Variants in HABP2 observed in about 807,000 individuals in gnomAD.
The protein encoded by HABP2 is hyaluronan binding protein 2.
Under a neutral mutation model 66.5 loss-of-function variants are expected in HABP2, and 65 were observed. That is an observed-to-expected ratio of 0.98 (90% CI 0.80 to 1.20). The LOEUF is 1.20. HABP2 is among the 50% of genes most tolerant of loss of function. The pLI is 0.00. For missense variants in HABP2, 786 were observed against 691.0 expected, an observed-to-expected ratio of 1.14 and a Z score of -1.54; for synonymous variants, 263 against 253.9, an observed-to-expected ratio of 1.04 and a Z score of -0.34.
chr10:113,589,045 T>C lies in HABP2; in HGVS notation c.*676T>C. 6.2e-7 allele frequency: 1 copy of C among 1,614,044 alleles called. No homozygotes were observed. Among genetic ancestry groups the C allele is most frequent in the Non-Finnish European group, 8.5e-7 (1 of 1,179,996 alleles). On this transcript the variant is annotated 3_prime_UTR_variant, in exon 13 of 13. Coordinates refer to ENST00000351270, the MANE Select transcript of HABP2 (RefSeq NM_004132.5). ...GGCATCTGGGTTCACCTCCCCACTC[T>C]GATGATCTCCAGCCTCCACTGCTTC...
At chr10:113,560,482 G>A (rs766282995) in intron 1 of HABP2, among the ~76,000 whole-genome samples, 6 of 152,156 alleles carry the variant, frequency 3.9e-5, no homozygotes, top group Admixed American at 1.3e-4. Context: ...AAAGTTAATC[G>A]TAGAACTACC....
intron 1 of HABP2, among the ~76,000 whole-genome samples, chr10:113,561,643 C>G (rs1845102006): frequency 6.6e-6 from 1 of 152,088 alleles, no homozygotes; most frequent in South Asian, 2.1e-4. Flanking sequence ...TTTCTCTGCT[C>G]TTAGTTCATT....
intron 1 of HABP2, among the ~76,000 whole-genome samples, chr10:113,553,826 C>T (rs545664846): frequency 1.3e-5 from 2 of 152,214 alleles, no homozygotes; most frequent in South Asian, 2.1e-4. Flanking sequence ...GAGTCTTGAA[C>T]GGGGGACTCA....
chr10:113,575,764 C>G, intron 3 of HABP2, 133 bp from the exon 4 acceptor site: 1 of 665,452 alleles, frequency 1.5e-6, no homozygotes, highest in Non-Finnish European at 2.7e-6. Context: ...TGTTTTCCTC[C>G]TTTCCCCAGT....
At chr10:113,557,522 T>C (rs1592681055) in intron 1 of HABP2, among the ~76,000 whole-genome samples, 1 of 152,282 alleles carries the variant, frequency 6.6e-6, no homozygotes, top group East Asian at 1.9e-4. Flanking sequence ...AAATAAAACA[T>C]GCTTTTTCTT....
At chr10:113,562,082 T>C (rs1013707648) in intron 1 of HABP2, among the ~76,000 whole-genome samples, 2 of 152,146 alleles carry the variant, frequency 1.3e-5, no homozygotes, top group South Asian at 4.1e-4. Flanking sequence ...CAGGGATCCA[T>C]TGAGAAAGCC....
intron 8 of HABP2, among the ~76,000 whole-genome samples, chr10:113,581,620 C>G (rs1845533422): frequency 6.6e-6 from 1 of 152,222 alleles, no homozygotes; most frequent in African/African-American, 2.4e-5. Flanking sequence ...ACATGTCAAT[C>G]TTAGGAGTCA....
chr10:113,574,823 C>T (rs1234366063), intron 3 of HABP2, among the ~76,000 whole-genome samples: 1 of 152,218 alleles, frequency 6.6e-6, no homozygotes, highest in East Asian at 1.9e-4. Flanking sequence ...TGTACACATT[C>T]AGCTTTGGGA....
intron 3 of HABP2, among the ~76,000 whole-genome samples, chr10:113,574,857 C>T (rs778627368): frequency 6.6e-6 from 1 of 152,118 alleles, no homozygotes; most frequent in Non-Finnish European, 1.5e-5. Context: ...ATGCCTTTGC[C>T]AGAACTTTTC....
intron 11 of HABP2, among the ~76,000 whole-genome samples, chr10:113,584,809 T>A (rs1295021861): frequency 1.3e-5 from 2 of 152,148 alleles, no homozygotes; most frequent in Non-Finnish European, 2.9e-5. Context: ...TTGCTCGGGG[T>A]TCTCCACACA....
intron 1 of HABP2, among the ~76,000 whole-genome samples, chr10:113,556,137 G>T (rs1001430597): frequency 6.6e-6 from 1 of 152,174 alleles, no homozygotes; most frequent in African/African-American, 2.4e-5. Flanking sequence ...ATCTTCCCAG[G>T]GATAGAGCCA....
intron 1 of HABP2, among the ~76,000 whole-genome samples, chr10:113,557,503 C>T (rs11575624): frequency 0.11 from 16,833 of 152,056 alleles, 1,005 homozygotes; most frequent in South Asian, 0.13. Context: ...ATTTGGCAGC[C>T]GGGATTTTAA....
intron 1 of HABP2, among the ~76,000 whole-genome samples, chr10:113,556,746 A>T (rs974874323): frequency 4.0e-5 from 6 of 151,138 alleles, no homozygotes; most frequent in Non-Finnish European, 5.9e-5. Context: ...GAAAGAAAGA[A>T]AAAAGAAGCT....
At chr10:113,581,173 C>T (rs1845522098) in intron 8 of HABP2, among the ~76,000 whole-genome samples, 1 of 152,222 alleles carries the variant, frequency 6.6e-6, no homozygotes, top group Non-Finnish European at 1.5e-5. Flanking sequence ...TGAGCAGTTT[C>T]ACATATGTGC....
intron 12 of HABP2, among the ~76,000 whole-genome samples, chr10:113,587,326 AAAAC>A (rs199888836): frequency 3.1e-3 from 404 of 131,812 alleles, no homozygotes; most frequent in Non-Finnish European, 5.6e-3. Context: ...CAAAAAAACA[AAAAC>A]AAACAAACAA....
chr10:113,581,876 A>G lies in HABP2; in HGVS notation c.839A>G (p.Asp280Gly). 6.2e-7 allele frequency: 1 copy of G among 1,614,006 alleles called. No homozygotes were observed. The change falls in exon 9 of 13, where the codon GAC (aspartate) becomes GGC (glycine). Residue 280 changes from aspartate to glycine, a missense_variant and splice_region_variant. Coordinates refer to ENST00000351270, the MANE Select transcript of HABP2 (RefSeq NM_004132.5). ...AATTTATCTTTCTTGTGTCCCACAG[A>G]CGTTGCCTACCCAGAGGAAAGCCCC... ...YCDVSACSAQ[D>G]VAYPEESPTE...
In HABP2 at chr10:113,588,302, T is replaced by G. The variant is rs1209914103; in HGVS notation, c.1616T>G (p.Val539Gly). Residue 539 changes from valine to glycine, a missense_variant, in exon 13 of 13, where the codon GTC becomes GGC. Val to Gly is a moderately radical substitution (Grantham distance 109). Coordinates refer to ENST00000351270, the MANE Select transcript of HABP2 (RefSeq NM_004132.5). Reference sequence around the variant, plus strand: ...CTGGAGTGTGGGAAGAGGCCAGGGGTCTACACCCAAGTTACCAAATTCCTG... The same window carrying G: ...CTGGAGTGTGGGAAGAGGCCAGGGGGCTACACCCAAGTTACCAAATTCCTG... ...WGLECGKRPGVYTQVTKFLNW... is the reference protein window; with the variant it reads ...WGLECGKRPGGYTQVTKFLNW... 3.7e-6 allele frequency: 6 copies of G among 1,612,804 alleles called. No homozygotes were observed. Among genetic ancestry groups the G allele is most frequent in the Non-Finnish European group, 4.2e-6 (5 of 1,179,336 alleles).
intron 2 of HABP2, chr10:113,572,516 C>A (rs7097031): frequency 0.54 from 116,738 of 215,182 alleles, 32,740 homozygotes; most frequent in East Asian, 0.64. Flanking sequence ...CTTCAAAGAA[C>A]AAGAAATAAC....
upstream of HABP2, among the ~76,000 whole-genome samples, chr10:113,551,784 TGACA>T (rs1844903053): frequency 6.6e-6 from 1 of 151,964 alleles, no homozygotes; most frequent in Non-Finnish European, 1.5e-5. Flanking sequence ...TCAGCCTGGA[TGACA>T]GAGTGAGACT....
Sources: gnomAD v4.1 joint callset for allele counts (sites outside exome capture counted in the v4.1 genomes callset) on GRCh38, gnomAD v4.1.1 for gene constraint, MANE v1.5 for transcripts, NCBI Gene and HGNC (gene_info 2026-07-23, HGNC 2026-07-21) for gene names.